The following RTL4 variants were observed in gnomAD, a reference collection of about 807,000 sequenced individuals.
RTL4 encodes the protein retrotransposon Gag-like protein 4.
A neutral mutation model predicts 5.3 loss-of-function variants in RTL4; 4 were observed. The ratio of observed to expected loss-of-function variants is 0.75; its 90% CI spans 0.37 to 1.72. The LOEUF is 1.72. RTL4 is among the 40% of genes most tolerant of loss of function. The pLI, the probability that RTL4 is intolerant of heterozygous loss-of-function variation, is 0.04. For missense variants in RTL4, 260 were observed against 227.1 expected (o/e 1.14, Z -0.93); for synonymous variants, 98 against 87.3 (o/e 1.12, Z -0.68).
chrX:112,296,446 T>C, the RTL4 span, among the ~76,000 whole-genome samples: 3 of 111,095 alleles, frequency 2.7e-5, no homozygotes, highest in African/African-American at 3.3e-5. Flanking sequence ...CACTAATTCA[T>C]AGAGATACTG....
upstream of RTL4, among the ~76,000 whole-genome samples, chrX:112,452,465 A>G (rs1336191649): frequency 9.2e-6 from 1 of 109,192 alleles, no homozygotes; most frequent in Non-Finnish European, 1.9e-5. Flanking sequence ...CCTAGCTGGA[A>G]TGGCAGTAAT....
the RTL4 span, among the ~76,000 whole-genome samples, chrX:112,121,176 G>A: frequency 8.9e-6 from 1 of 111,761 alleles, no homozygotes. Flanking sequence ...TATTCCCAAA[G>A]TTAAGTCAAT....
chrX:112,310,892 T>C, the RTL4 span, among the ~76,000 whole-genome samples: 1 of 95,631 alleles, frequency 1.0e-5, no homozygotes, highest in Non-Finnish European at 2.0e-5. Flanking sequence ...ATGTATGTAT[T>C]ATTTTTATAT....
chrX:112,377,768 A>G, the RTL4 span, among the ~76,000 whole-genome samples: 12 of 111,892 alleles, frequency 1.1e-4, no homozygotes, highest in Non-Finnish European at 2.3e-4. Context: ...AACACACACT[A>G]TGGTATTCAA....
At chrX:112,089,382 T>C in the RTL4 span, among the ~76,000 whole-genome samples, 4 of 111,680 alleles carry the variant, frequency 3.6e-5, no homozygotes, top group African/African-American at 1.3e-4. Context: ...GTTTTAGCTC[T>C]TATATTTAGG....
At chrX:112,437,630 G>C in the RTL4 span, among the ~76,000 whole-genome samples, 5 of 111,330 alleles carry the variant, frequency 4.5e-5, no homozygotes, top group Non-Finnish European at 7.5e-5. Context: ...ATCTCATGGA[G>C]GGATCTGCAG....
At chrX:112,433,715 A>G in the RTL4 span, among the ~76,000 whole-genome samples, 1 of 25,017 alleles carries the variant, frequency 4.0e-5, no homozygotes, top group Non-Finnish European at 6.6e-5. Context: ...CTAATTGAAT[A>G]CCCTTTATTT....
the RTL4 span, among the ~76,000 whole-genome samples, chrX:112,148,314 A>G: frequency 0.11 from 11,187 of 102,128 alleles, 1,688 homozygotes; most frequent in African/African-American, 0.38. Context: ...TCTAACTGCC[A>G]TGTGACTGAG....
chrX:112,309,853 T>C, the RTL4 span, among the ~76,000 whole-genome samples: 1 of 102,972 alleles, frequency 9.7e-6, no homozygotes, highest in Non-Finnish European at 1.9e-5. Context: ...TACACATATA[T>C]ACACACACAT....
At chrX:112,176,080 C>A in the RTL4 span, among the ~76,000 whole-genome samples, 1 of 110,523 alleles carries the variant, frequency 9.0e-6, no homozygotes, top group Admixed American at 9.6e-5. Context: ...TCTTATACAC[C>A]AATAACAGAC....
chrX:112,365,942 G>A, the RTL4 span, among the ~76,000 whole-genome samples: 3 of 111,182 alleles, frequency 2.7e-5, no homozygotes, highest in Non-Finnish European at 5.7e-5. Flanking sequence ...TTCTGTCTCT[G>A]GTGAAGATGA....
the RTL4 span, among the ~76,000 whole-genome samples, chrX:112,364,919 G>T: frequency 1.8e-5 from 2 of 111,657 alleles, no homozygotes; most frequent in Non-Finnish European, 3.8e-5. Context: ...CATATTTAGA[G>T]TGTGTTACAC....
the RTL4 span, among the ~76,000 whole-genome samples, chrX:112,439,143 C>T: frequency 6.3e-5 from 7 of 111,488 alleles, no homozygotes; most frequent in South Asian, 1.1e-3. Context: ...CTCATAAGGT[C>T]GTGAGGGCTT....
the RTL4 span, among the ~76,000 whole-genome samples, chrX:112,232,323 A>G: frequency 8.9e-6 from 1 of 112,322 alleles, no homozygotes; most frequent in Non-Finnish European, 1.9e-5. Context: ...TTGTAATTAG[A>G]GTTCTTGCTC....
the RTL4 span, among the ~76,000 whole-genome samples, chrX:112,169,271 C>T: frequency 2.8e-5 from 3 of 108,607 alleles, no homozygotes; most frequent in Admixed American, 1.0e-4. Context: ...TGTGCCACTA[C>T]GCCTGTCTAA....
At chrX:112,206,422 A>G in the RTL4 span, among the ~76,000 whole-genome samples, 1 of 111,035 alleles carries the variant, frequency 9.0e-6, no homozygotes, top group Non-Finnish European at 1.9e-5. Flanking sequence ...ACTTTTCTGT[A>G]TTTATCTTAC....
At chrX:112,456,531 T>C in exon 1 of RTL4, 1 of 299,965 alleles carries the variant, frequency 3.3e-6, no homozygotes. Flanking sequence ...TTCTGAAAGG[T>C]ATTTAGTGAG....
At chrX:112,139,836 C>G in the RTL4 span, among the ~76,000 whole-genome samples, 2 of 111,573 alleles carry the variant, frequency 1.8e-5, no homozygotes, top group Admixed American at 1.9e-4. Flanking sequence ...TGCAGTTTCC[C>G]CCGTATTGTT....
chrX:112,402,403 T>C, the RTL4 span, among the ~76,000 whole-genome samples: 1 of 42,915 alleles, frequency 2.3e-5, no homozygotes, highest in African/African-American at 2.2e-4. Flanking sequence ...ATTATTATTG[T>C]GTGTGTGTGT....
Sources: gnomAD v4.1 joint callset for allele counts (sites outside exome capture counted in the v4.1 genomes callset) on GRCh38, gnomAD v4.1.1 for gene constraint, MANE v1.5 for transcripts, NCBI Gene and HGNC (gene_info 2026-07-23, HGNC 2026-07-21) for gene names.